IL23R: variants seen among roughly 807,000 people sequenced by gnomAD.
IL23R encodes interleukin-23 receptor.
In IL23R, 34 loss-of-function variants were observed where a neutral mutation model predicts 56.9. The ratio of observed to expected loss-of-function variants is 0.60; its 90% CI spans 0.45 to 0.80. The LOEUF (loss-of-function observed/expected upper bound fraction) is 0.80, where lower values mean the gene tolerates loss of function less well. Among genes scored for constraint, IL23R ranks in the 30% least tolerant of loss-of-function variants. IL23R has a pLI of 0.00. For synonymous variants in IL23R, 230 were observed against 249.2 expected (o/e 0.92, Z 0.73); for missense variants, 635 against 730.0 (o/e 0.87, Z 1.50).
At chr1:67,179,935 GAGTTTCTTAATCCTGAGTCCT>G (rs1349486693) in intron 3 of IL23R, among the ~76,000 whole-genome samples, 1 of 152,186 alleles carries the variant, frequency 6.6e-6, no homozygotes. Context: ...AGTTTTGAGT[GAGTTTCTTAATCCTGAGTCCT>G]AGTTTGATTG....
intron 4 of IL23R, among the ~76,000 whole-genome samples, chr1:67,189,006 G>C (rs922267194): frequency 1.3e-5 from 2 of 151,936 alleles, no homozygotes; most frequent in African/African-American, 2.4e-5. Context: ...AAATATTAAT[G>C]TAAAGCCATA....
At chr1:67,156,651 G>A (rs932529650) in intron 1 of IL23R, among the ~76,000 whole-genome samples, 5 of 152,186 alleles carry the variant, frequency 3.3e-5, no homozygotes, top group Non-Finnish European at 7.4e-5. Context: ...AATGGCAGCT[G>A]CCCCTCCATG....
intron 6 of IL23R, among the ~76,000 whole-genome samples, chr1:67,210,921 G>A (rs1570856234): frequency 6.6e-6 from 1 of 152,092 alleles, no homozygotes; most frequent in Non-Finnish European, 1.5e-5. Flanking sequence ...TCCTTTTGCT[G>A]TTTAAGACTG....
chr1:67,168,300 T>C (rs1033689431), intron 2 of IL23R, 110 bp downstream of exon 2: 5 of 883,748 alleles, frequency 5.7e-6, no homozygotes, highest in Non-Finnish European at 9.5e-6. Flanking sequence ...CAAATATTAT[T>C]AGACTAGAAA....
At chr1:67,163,468 C>CAAAAAAAAA (rs57495148), upstream of IL23R, among the ~76,000 whole-genome samples, 5 of 49,604 alleles carry the variant, frequency 1.0e-4, no homozygotes, top group Non-Finnish European at 1.3e-4. Flanking sequence ...GACCCTGTCT[C>CAAAAAAAAA]AAAAAAAAAA....
intron 7 of IL23R, among the ~76,000 whole-genome samples, chr1:67,227,267 G>T (rs1468660605): frequency 6.6e-6 from 1 of 152,188 alleles, no homozygotes; most frequent in African/African-American, 2.4e-5. Context: ...ATTCTGCATT[G>T]TAATATAGAT....
chr1:67,181,017 G>A (rs913554996), intron 3 of IL23R, among the ~76,000 whole-genome samples: 2 of 152,174 alleles, frequency 1.3e-5, no homozygotes, highest in South Asian at 4.1e-4. Flanking sequence ...TTCCCTTTGT[G>A]GGTAACCCGA....
At chr1:67,222,686 G>A (rs907526776) in intron 7 of IL23R, among the ~76,000 whole-genome samples, 14 of 152,070 alleles carry the variant, frequency 9.2e-5, no homozygotes, top group African/African-American at 3.1e-4. Flanking sequence ...TGTAATTAGC[G>A]CTACTTTACA....
rs146440064 is a variant in IL23R, at chr1:67,200,824, G to T, written c.579G>T (p.Leu193Phe). 1.8e-4 allele frequency: 289 copies of T among 1,614,058 alleles called. 1 individual carries two copies. Among genetic ancestry groups the T allele is most frequent in the Middle Eastern group, 1.5e-3 (9 of 6,062 alleles). Residue 193 changes from leucine (L) to phenylalanine (F), a missense_variant, in exon 5 of 11, where the codon TTG becomes TTT. Leu to Phe is a conservative substitution (Grantham distance 22). Coordinates refer to ENST00000347310, the MANE Select transcript of IL23R (RefSeq NM_144701.3). Reference sequence around the variant, plus strand: ...CATTACAAGGTGGCAAGAAGTACTTGGTTTGGGTCCAAGCAGCAAACGCAC... The same window carrying T: ...CATTACAAGGTGGCAAGAAGTACTTTGTTTGGGTCCAAGCAGCAAACGCAC... ...TDSLQGGKKY[L>F]VWVQAANALG...
intron 5 of IL23R, among the ~76,000 whole-genome samples, chr1:67,204,085 A>G (rs1648826518): frequency 6.6e-6 from 1 of 152,038 alleles, no homozygotes; most frequent in African/African-American, 2.4e-5. Context: ...TTTTTTTGAG[A>G]CGGAGTCTCG....
intron 9 of IL23R, among the ~76,000 whole-genome samples, chr1:67,243,850 G>A (rs568390084): frequency 1.3e-5 from 2 of 152,230 alleles, no homozygotes; most frequent in African/African-American, 4.8e-5. Context: ...GGGTCAAATG[G>A]TATTTCTGAT....
At chr1:67,249,243 T>TA (rs1478149944) in intron 9 of IL23R, among the ~76,000 whole-genome samples, 2 of 152,212 alleles carry the variant, frequency 1.3e-5, no homozygotes, top group Non-Finnish European at 2.9e-5. Context: ...TTAGTCTTTT[T>TA]ATTAAAGTTT....
chr1:67,140,882 T>A (rs1646631088), intron 1 of IL23R, among the ~76,000 whole-genome samples: 1 of 152,178 alleles, frequency 6.6e-6, no homozygotes, highest in African/African-American at 2.4e-5. Context: ...GATTAAAAAA[T>A]GAATTTAGAG....
chr1:67,152,981 G>T (rs1646741730), intron 1 of IL23R, among the ~76,000 whole-genome samples: 1 of 152,164 alleles, frequency 6.6e-6, no homozygotes, highest in African/African-American at 2.4e-5. Flanking sequence ...TTGCAGAGGA[G>T]TTCCTCCTTT....
chr1:67,140,974 C>A (rs1646631796), intron 1 of IL23R, among the ~76,000 whole-genome samples: 1 of 151,936 alleles, frequency 6.6e-6, no homozygotes. Flanking sequence ...TTTTCCAAAG[C>A]CTATGATCTG....
At chr1:67,167,784 T>C (rs1646891177) in intron 1 of IL23R, among the ~76,000 whole-genome samples, 1 of 152,190 alleles carries the variant, frequency 6.6e-6, no homozygotes. Context: ...AGGTTTCTGA[T>C]GAGAAAGGCT....
In IL23R at chr1:67,259,176, C is replaced by G; in HGVS notation, c.*48C>G. On this transcript the variant is annotated 3_prime_UTR_variant, in exon 11 of 11. Coordinates refer to ENST00000347310, the MANE Select transcript of IL23R (RefSeq NM_144701.3). ...TGAGAAAGCTGCCTTGCAATCTGAA[C>G]TTGGGTTTTCCCTGCAATAGAAATT... is the stretch of plus-strand genomic sequence containing the variant. 3 of 1,586,128 alleles carry G rather than the reference C, an allele frequency of 1.9e-6. No individual in the cohort carries two copies. The highest frequency in any genetic ancestry group is 4.5e-5 in the East Asian group (2 of 44,646).
At chr1:67,247,200 T>G (rs1652285437) in intron 9 of IL23R, among the ~76,000 whole-genome samples, 1 of 152,168 alleles carries the variant, frequency 6.6e-6, no homozygotes, top group Non-Finnish European at 1.5e-5. Context: ...TTTGTGTGTG[T>G]TTTTGCACAT....
chr1:67,235,184 G>A (rs532539928), intron 7 of IL23R, among the ~76,000 whole-genome samples: 3 of 152,266 alleles, frequency 2.0e-5, no homozygotes, highest in East Asian at 3.9e-4. Context: ...GAGACTTAGC[G>A]AGGCATTGAG....
Sources: allele counts gnomAD v4.1 joint callset (sites outside exome capture counted in the v4.1 genomes callset), GRCh38; gene constraint gnomAD v4.1.1; transcripts MANE v1.5; gene names NCBI Gene and HGNC (gene_info 2026-07-23, HGNC 2026-07-21).